ATAD1: variants seen among roughly 807,000 people sequenced by gnomAD.
ATAD1 encodes outer mitochondrial transmembrane helix translocase.
Under a neutral mutation model 42.7 loss-of-function variants are expected in ATAD1, and 18 were observed. The observed-to-expected ratio is 0.42, with a 90% confidence interval of 0.29 to 0.63. The LOEUF (loss-of-function observed/expected upper bound fraction) is 0.63. ATAD1 is among the 20% of genes least tolerant of loss of function. The pLI is 0.19. For missense variants in ATAD1, 294 were observed against 440.4 expected, an observed-to-expected ratio of 0.67 and a Z score of 2.98; for synonymous variants, 132 against 143.1, an observed-to-expected ratio of 0.92 and a Z score of 0.55.
chr10:87,830,179 G>A (rs1290510087), intron 1 of ATAD1, among the ~76,000 whole-genome samples: 1 of 152,310 alleles, frequency 6.6e-6, no homozygotes, highest in Admixed American at 6.5e-5. Context: ...GCAAATGCAA[G>A]CAGCATGAAA....
In ATAD1 at chr10:87,754,529, T is replaced by G. The variant is rs1015609054; in HGVS notation, c.*158A>C. On this transcript the variant is annotated 3_prime_UTR_variant, in exon 10 of 10. Transcript: ENST00000680024. ...TTTTGACCAACAGTAATACCACCTA[T>G]GTAACAACTATATCTCAATAACTTA... The G allele has an allele frequency of 2.7e-5, 23 of 839,336 alleles. No homozygotes were observed. In the African/African-American group the frequency reaches 3.9e-4, roughly 14 times the overall value. The allele number at this position is 839,336 out of a possible 1,614,324, so 52.0% of individuals were successfully genotyped here. A position where few individuals can be genotyped will look rare whatever the true frequency, so the allele number is the denominator to read the frequency against.
At chr10:87,829,773 C>T (rs1363608295) in intron 1 of ATAD1, among the ~76,000 whole-genome samples, 1 of 152,126 alleles carries the variant, frequency 6.6e-6, no homozygotes, top group Non-Finnish European at 1.5e-5. Context: ...CTGCCATCCC[C>T]TGATAAAACT....
At chr10:87,802,605 C>T (rs1008508906) in intron 2 of ATAD1, among the ~76,000 whole-genome samples, 21 of 150,466 alleles carry the variant, frequency 1.4e-4, no homozygotes, top group African/African-American at 5.1e-4. Context: ...ATCCCGCCAC[C>T]GCACTCCAGC....
intron 1 of ATAD1, among the ~76,000 whole-genome samples, chr10:87,826,607 G>A (rs995829494): frequency 1.3e-5 from 2 of 152,178 alleles, no homozygotes; most frequent in African/African-American, 4.8e-5. Flanking sequence ...CCTCTGGCTG[G>A]ACCGTGTGCC....
chr10:87,826,429 C>T (rs998837716), intron 1 of ATAD1, among the ~76,000 whole-genome samples: 1 of 152,134 alleles, frequency 6.6e-6, no homozygotes, highest in Non-Finnish European at 1.5e-5. Context: ...TCTGAGTTCT[C>T]AGGTTAATGA....
chr10:87,838,292 C>T (rs941985460), intron 1 of ATAD1, among the ~76,000 whole-genome samples: 2 of 151,710 alleles, frequency 1.3e-5, no homozygotes, highest in African/African-American at 2.4e-5. Flanking sequence ...TTTAGAAGGC[C>T]GAGGTGGTCG....
chr10:87,774,207 G>A (rs1855184050), intron 6 of ATAD1, among the ~76,000 whole-genome samples: 1 of 152,138 alleles, frequency 6.6e-6, no homozygotes, highest in South Asian at 2.1e-4. Flanking sequence ...ATATTTAAAA[G>A]ACTCAAATAA....
chr10:87,793,649 G>A (rs1173276459), intron 2 of ATAD1, among the ~76,000 whole-genome samples: 1 of 152,048 alleles, frequency 6.6e-6, no homozygotes, highest in Admixed American at 6.6e-5. Context: ...TATTTGCCCT[G>A]ATTTCTTCAA....
intron 2 of ATAD1, among the ~76,000 whole-genome samples, chr10:87,806,002 T>C (rs767744430): frequency 2.6e-5 from 4 of 152,156 alleles, no homozygotes; most frequent in Non-Finnish European, 5.9e-5. Context: ...CTATGGTGAC[T>C]TTATGCAAGT....
At chr10:87,777,715 T>C (rs992105916) in intron 5 of ATAD1, among the ~76,000 whole-genome samples, 2 of 152,302 alleles carry the variant, frequency 1.3e-5, no homozygotes, top group Admixed American at 6.5e-5. Flanking sequence ...CATTTTAGCA[T>C]TGAAACTACA....
At chr10:87,784,128 G>A (rs1855704401) in intron 5 of ATAD1, among the ~76,000 whole-genome samples, 1 of 152,080 alleles carries the variant, frequency 6.6e-6, no homozygotes, top group Non-Finnish European at 1.5e-5. Flanking sequence ...TAAAGAACTG[G>A]TAATCCTAGT....
intron 8 of ATAD1, among the ~76,000 whole-genome samples, chr10:87,764,650 A>G (rs933236223): frequency 6.6e-6 from 1 of 152,180 alleles, no homozygotes; most frequent in African/African-American, 2.4e-5. Context: ...TCTACTTATG[A>G]AGCTGTGCTG....
chr10:87,799,650 T>C (rs1426323411), intron 2 of ATAD1, among the ~76,000 whole-genome samples: 3 of 151,328 alleles, frequency 2.0e-5, no homozygotes, highest in African/African-American at 7.4e-5. Flanking sequence ...ACAGTTTTCA[T>C]AAATAGTCTA....
chr10:87,776,520 G>T, intron 5 of ATAD1, 93 bp from the exon 6 acceptor site: 1 of 960,742 alleles, frequency 1.0e-6, no homozygotes, highest in Non-Finnish European at 1.6e-6. Context: ...CCAGGCTGGG[G>T]TGCAATGGCG....
rs1038296644 is a variant in ATAD1 at position 87,784,569 on chromosome 10, G to A, written c.484C>T (p.Leu162=). ...GATTCTCCATACCACTTATCGGTCA[G>A]TGTCGAAGGCTGAAGGTTAATAAAT... ...CRFINLQPST[L]TDKWYGESQK... The change falls in exon 5 of 10, where the codon CTG becomes TTG. Residue 162 remains leucine (L), a synonymous_variant. Coordinates refer to ENST00000680024, the MANE Select transcript of ATAD1 (RefSeq NM_001321967.2). 2 of 1,613,600 alleles carry A rather than the reference G, an allele frequency of 1.2e-6. No homozygotes were observed. The highest frequency in any genetic ancestry group is 1.3e-5 in the African/African-American group (1 of 74,902).
chr10:87,834,654 G>A (rs1183264452), intron 1 of ATAD1, among the ~76,000 whole-genome samples: 2 of 151,996 alleles, frequency 1.3e-5, no homozygotes, highest in Non-Finnish European at 2.9e-5. Context: ...GGTAAATTGT[G>A]TCTTTTCTTC....
chr10:87,804,118 C>G (rs981608714), intron 2 of ATAD1, among the ~76,000 whole-genome samples: 22 of 152,212 alleles, frequency 1.4e-4, no homozygotes, highest in African/African-American at 5.3e-4. Flanking sequence ...CTTAAAATTC[C>G]TGGCAGTTGA....
Position 87,805,171 on chromosome 10 carries a change from T to C in ATAD1, c.162+9267A>G, listed in dbSNP as rs560611996. On this transcript the variant is annotated intron_variant, in intron 2 of 9. Coordinates refer to ENST00000680024, the MANE Select transcript of ATAD1 (RefSeq NM_001321967.2). ...TTTTAGATTCAATCCTCTTTCATTC[T>C]GACCACAAAAGTCACACCTTCCTCC... 2.6e-5 allele frequency among the ~76,000 whole-genome samples: 4 copies of C among 152,334 alleles called. No individual in the cohort carries two copies. In the South Asian group the frequency reaches 8.3e-4, roughly 32 times the overall value.
intron 2 of ATAD1, among the ~76,000 whole-genome samples, chr10:87,804,144 A>G (rs550262346): frequency 4.6e-5 from 7 of 152,320 alleles, no homozygotes; most frequent in African/African-American, 1.7e-4. Context: ...CCAAGTTTTT[A>G]AAGTTTTTTT....
Sources: gnomAD v4.1 joint callset for allele counts (sites outside exome capture counted in the v4.1 genomes callset) on GRCh38, gnomAD v4.1.1 for gene constraint, MANE v1.5 for transcripts, NCBI Gene and HGNC (gene_info 2026-07-23, HGNC 2026-07-21) for gene names.